The following BLM variants were observed in gnomAD, a reference collection of about 807,000 sequenced individuals.
BLM encodes the protein BLM RecQ like helicase.
A neutral mutation model predicts 135.3 loss-of-function variants in BLM; 95 were observed. The ratio of observed to expected loss-of-function variants is 0.70; its 90% confidence interval spans 0.59 to 0.83. The LOEUF (loss-of-function observed/expected upper bound fraction) is 0.83. BLM is among the 40% of genes least tolerant of loss of function. The pLI is 0.00. For missense variants in BLM, 1,518 were observed against 1,663.9 expected (o/e 0.91, Z 1.53); for synonymous variants, 520 against 589.2 (o/e 0.88, Z 1.70).
At position 90,740,122 on chromosome 15, in the gene BLM, C is replaced by A. The variant is rs552075612; in HGVS notation, c.-4-7267C>A. ...TATAAAATTCACCCATTAAACTGTA[C>A]AATCCAATGGCTTTGAGTATATTCA... is the stretch of plus-strand genomic sequence containing the variant. On this transcript the variant is annotated intron_variant, in intron 1 of 21. Transcript: ENST00000355112. Among the ~76,000 whole-genome samples the A allele has an allele frequency of 2.0e-5, 3 of 152,258 alleles. No homozygotes were observed. The South Asian group carries it at 6.2e-4, about 32-fold the overall frequency.
In BLM at chr15:90,761,122, C is replaced by G. The variant is rs369660800; in HGVS notation, c.1749C>G (p.Ala583=). The G allele has an allele frequency of 6.5e-7, 1 of 1,540,630 alleles. No individual in the cohort carries two copies. Among genetic ancestry groups the G allele is most frequent in the Non-Finnish European group, 8.7e-7 (1 of 1,149,346 alleles). Residue 583 remains alanine (A), a synonymous_variant, in exon 7 of 22, where the codon GCC becomes GCG. Transcript: ENST00000355112. ...CAGCCAGCAAATCTTCCACAGCTGCCTATCAACCCATCAAGGAAGGTCGGC... is the reference window on the plus strand; with the variant it reads ...CAGCCAGCAAATCTTCCACAGCTGCGTATCAACCCATCAAGGAAGGTCGGC... ...NLAASKSSTA[A]YQPIKEGRPI...
chr15:90,719,634 G>T (rs1368542274), intron 1 of BLM, among the ~76,000 whole-genome samples: 2 of 152,102 alleles, frequency 1.3e-5, no homozygotes, highest in Non-Finnish European at 2.9e-5. Flanking sequence ...AAAAGAGAGA[G>T]AATAGGGCCG....
In BLM at chr15:90,815,156, T is replaced by G; in HGVS notation, c.4131T>G (p.Ile1377Met). ...ISSKTKSSSI[I>M]GSSSASHTSQ... is the part of the protein sequence containing the mutation. The stretch of plus-strand genomic sequence containing the variant: ...CCAAAACGAAATCCTCCAGCATCAT[T>G]GGATCCAGTTCAGCCTCACATACTT... The change falls in exon 22 of 22, where the codon ATT becomes ATG. Residue 1377 changes from isoleucine (I) to methionine (M), a missense_variant. Coordinates refer to ENST00000355112, the MANE Select transcript of BLM (RefSeq NM_000057.4). This position sits in a 1 kb window ranked among gnomAD's most constrained non-coding sequence, Gnocchi z 4.6. 6.2e-7 allele frequency: 1 copy of G among 1,614,240 alleles called. No homozygotes were observed.
chr15:90,752,152 T>C (rs1348134463), intron 4 of BLM, among the ~76,000 whole-genome samples: 1 of 151,976 alleles, frequency 6.6e-6, no homozygotes, highest in Non-Finnish European at 1.5e-5. Context: ...ATTAATTACA[T>C]GAAACTTCAA....
At chr15:90,767,069 A>G in intron 10 of BLM, 46 bp downstream of exon 10, 1 of 1,216,956 alleles carries the variant, frequency 8.2e-7, no homozygotes, top group Non-Finnish European at 1.2e-6. Flanking sequence ...AGACCACTAG[A>G]ATACATATAT....
chr15:90,718,669 G>A (rs1021376259), intron 1 of BLM, among the ~76,000 whole-genome samples: 2 of 152,208 alleles, frequency 1.3e-5, no homozygotes, highest in African/African-American at 2.4e-5. Context: ...TCTGGGTCCT[G>A]TGTCACTTTC....
At chr15:90,758,466 G>A (rs1418174404) in intron 5 of BLM, among the ~76,000 whole-genome samples, 2 of 152,172 alleles carry the variant, frequency 1.3e-5, no homozygotes, top group South Asian at 2.1e-4. Flanking sequence ...CAGCCTGGAA[G>A]ACAGAGCAAG....
intron 1 of BLM, among the ~76,000 whole-genome samples, chr15:90,723,372 G>C (rs113882719): frequency 0.016 from 2,300 of 146,704 alleles, 65 homozygotes; most frequent in African/African-American, 0.054. Context: ...TAGTAATTTT[G>C]GCTGGGCATG....
chr15:90,725,784 T>C (rs1894897455), intron 1 of BLM, among the ~76,000 whole-genome samples: 1 of 152,006 alleles, frequency 6.6e-6, no homozygotes, highest in Non-Finnish European at 1.5e-5. Context: ...GTGCTGGGAT[T>C]ACAGGCGTGA....
At chr15:90,726,172 T>C (rs1029001824) in intron 1 of BLM, among the ~76,000 whole-genome samples, 6 of 152,216 alleles carry the variant, frequency 3.9e-5, no homozygotes, top group Admixed American at 2.0e-4. Context: ...TTCTAGCTAT[T>C]TGAAACTGTA....
At chr15:90,749,024 G>C (rs953851243) in intron 2 of BLM, among the ~76,000 whole-genome samples, 3 of 152,074 alleles carry the variant, frequency 2.0e-5, no homozygotes, top group Non-Finnish European at 4.4e-5. Flanking sequence ...CTCCCAAAGT[G>C]CTGGGATTAC....
intron 2 of BLM, among the ~76,000 whole-genome samples, chr15:90,748,346 G>A (rs1480782044): frequency 2.0e-5 from 3 of 151,814 alleles, no homozygotes; most frequent in Admixed American, 6.6e-5. Flanking sequence ...GACCTCAAGT[G>A]ATCCGCCCAC....
At position 90,766,902 on chromosome 15, in the gene BLM, A is replaced by T; in HGVS notation, c.2194-8A>T. 6.5e-7 allele frequency: 1 copy of T among 1,531,366 alleles called. No individual in the cohort carries two copies. Among genetic ancestry groups the T allele is most frequent in the Non-Finnish European group, 9.0e-7 (1 of 1,106,206 alleles). The allele number at this position is 1,531,366 out of a possible 1,614,324, so 94.9% of individuals were successfully genotyped here. The stretch of plus-strand genomic sequence containing the variant: ...AAAATTGAAATTGTTTACTACTTTT[A>T]TACTTAGATTCCAGCTACATATCTG... On this transcript the variant is annotated splice_region_variant and splice_polypyrimidine_tract_variant and intron_variant, in intron 9 of 21. Coordinates refer to ENST00000355112, the MANE Select transcript of BLM (RefSeq NM_000057.4).
intron 16 of BLM, among the ~76,000 whole-genome samples, chr15:90,797,396 A>T (rs928513509): frequency 8.4e-6 from 1 of 119,446 alleles, no homozygotes; most frequent in Non-Finnish European, 1.7e-5. Context: ...AGCCTGGGCG[A>T]CGAGCGAAAC....
intron 13 of BLM, among the ~76,000 whole-genome samples, chr15:90,784,670 G>A (rs1896699946): frequency 6.6e-6 from 1 of 151,598 alleles, no homozygotes; most frequent in Non-Finnish European, 1.5e-5. Context: ...TGTATCTAGT[G>A]TGAAGTAGAG....
intron 5 of BLM, among the ~76,000 whole-genome samples, chr15:90,759,608 TCTTTC>T (rs1396810951): frequency 1.3e-5 from 2 of 149,120 alleles, no homozygotes; most frequent in African/African-American, 4.9e-5. Flanking sequence ...TTTCTTTCTT[TCTTTC>T]TTTTTTTTGT....
At chr15:90,794,830 A>G (rs1299031607) in intron 16 of BLM, among the ~76,000 whole-genome samples, 1 of 151,144 alleles carries the variant, frequency 6.6e-6, no homozygotes, top group Non-Finnish European at 1.5e-5. Context: ...TTCTCAAAAG[A>G]GTAATAACTA....
At position 90,725,498 on chromosome 15, in the gene BLM, C is replaced by CT. The variant is rs1231870457; in HGVS notation, c.-5+8071dup. Among the ~76,000 whole-genome samples the CT allele has an allele frequency of 2.8e-3, 393 of 142,108 alleles. 2 individuals are homozygous for CT. The highest frequency in any genetic ancestry group is 9.7e-3 in the East Asian group (48 of 4,936). 93.2% of individuals were successfully genotyped at this position (142,108 alleles called of 152,430 possible). A position where few individuals can be genotyped will look rare whatever the true frequency, so the allele number is the denominator to read the frequency against. On this transcript the variant is annotated intron_variant, in intron 1 of 21. Coordinates refer to ENST00000355112, the MANE Select transcript of BLM (RefSeq NM_000057.4). ...GGCTATTTCCTCTTTTTTACAGTCC[C>CT]TTTTTTTTTTTTTGAGGCGGAGTCT...
intron 3 of BLM, among the ~76,000 whole-genome samples, chr15:90,750,689 G>A (rs1007610556): frequency 6.6e-6 from 1 of 152,202 alleles, no homozygotes; most frequent in Non-Finnish European, 1.5e-5. Flanking sequence ...AGGGTGAGTA[G>A]AGTAAGATAT....
Sources: gnomAD v4.1 joint callset for allele counts (sites outside exome capture counted in the v4.1 genomes callset) on GRCh38, gnomAD v4.1.1 for gene constraint, Gnocchi (gnomAD v3.1) non-coding constraint, MANE v1.5 for transcripts, NCBI Gene and HGNC (gene_info 2026-07-23, HGNC 2026-07-21) for gene names.